Variants in ACVR1 observed in about 807,000 individuals in gnomAD.
ACVR1 encodes the protein activin receptor type-1.
ACVR1 carries 38 observed loss-of-function variants against 57.1 expected under a neutral mutation model. That is an observed-to-expected ratio of 0.67 (90% CI 0.51 to 0.87). The LOEUF is 0.87. ACVR1 is among the 40% of genes least tolerant of loss of function. The pLI is 0.00. For missense variants in ACVR1, 463 were observed against 638.2 expected, an observed-to-expected ratio of 0.73 and a Z score of 2.96; for synonymous variants, 212 against 228.1, an observed-to-expected ratio of 0.93 and a Z score of 0.63.
chr2:157,810,392 G>C (rs1341881570), intron 2 of ACVR1, among the ~76,000 whole-genome samples: 1 of 152,214 alleles, frequency 6.6e-6, no homozygotes, highest in Non-Finnish European at 1.5e-5. Flanking sequence ...CCTGTATCCA[G>C]TGTGCCAGGC....
At chr2:157,869,488 T>G (rs1426591102) in intron 1 of ACVR1, among the ~76,000 whole-genome samples, 1 of 152,200 alleles carries the variant, frequency 6.6e-6, no homozygotes, top group Non-Finnish European at 1.5e-5. Context: ...ACTAGAATTT[T>G]TAAAATAAAA....
chr2:157,873,298 G>A (rs896756754), intron 1 of ACVR1, among the ~76,000 whole-genome samples: 3 of 152,112 alleles, frequency 2.0e-5, no homozygotes, highest in African/African-American at 7.2e-5. Flanking sequence ...CTTATTGTAG[G>A]ACGGTAAAAT....
intron 2 of ACVR1, among the ~76,000 whole-genome samples, chr2:157,807,974 T>C (rs1687621228): frequency 6.6e-6 from 1 of 151,632 alleles, no homozygotes; most frequent in African/African-American, 2.4e-5. Flanking sequence ...ACTGGAGCAC[T>C]TTTCTGTGGT....
chr2:157,819,224 C>G (rs1028187585), intron 1 of ACVR1, among the ~76,000 whole-genome samples: 2 of 151,984 alleles, frequency 1.3e-5, no homozygotes, highest in African/African-American at 4.8e-5. Flanking sequence ...AAATTTTGAC[C>G]CTGCATGTAC....
chr2:157,790,090 C>A (rs1293570990), intron 3 of ACVR1: 1 of 152,228 alleles, frequency 6.6e-6, no homozygotes, highest in Admixed American at 6.5e-5. Context: ...CCAAAGTTCC[C>A]AAGATCTTCC....
chr2:157,767,189 G>A (rs1030901986), intron 7 of ACVR1, among the ~76,000 whole-genome samples: 7 of 151,970 alleles, frequency 4.6e-5, no homozygotes, highest in Admixed American at 1.3e-4. Context: ...CCACCATCAC[G>A]CCGGGCTAAT....
chr2:157,795,055 C>T (rs890067545), intron 3 of ACVR1, among the ~76,000 whole-genome samples: 4 of 151,794 alleles, frequency 2.6e-5, no homozygotes, highest in Non-Finnish European at 4.4e-5. Context: ...CTCTATGACT[C>T]TCTTATTTAT....
At chr2:157,828,726 A>G (rs915285811) in intron 1 of ACVR1, among the ~76,000 whole-genome samples, 3 of 152,140 alleles carry the variant, frequency 2.0e-5, no homozygotes, top group African/African-American at 7.2e-5. Context: ...TTAATTTAGC[A>G]GTTTCATTCT....
chr2:157,769,242 C>T (rs906096391), intron 7 of ACVR1, among the ~76,000 whole-genome samples: 1 of 152,076 alleles, frequency 6.6e-6, no homozygotes, highest in Non-Finnish European at 1.5e-5. Flanking sequence ...TCCTGGGAGC[C>T]CCAAACCAGG....
intron 5 of ACVR1, among the ~76,000 whole-genome samples, chr2:157,777,242 G>C (rs1225397465): frequency 6.6e-6 from 1 of 152,150 alleles, no homozygotes; most frequent in Non-Finnish European, 1.5e-5. Flanking sequence ...ATATGCAAAA[G>C]AATAATTTTT....
intron 4 of ACVR1, 32 bp from the exon 5 acceptor site, chr2:157,778,374 G>C: frequency 6.4e-7 from 1 of 1,560,456 alleles, no homozygotes; most frequent in Non-Finnish European, 8.8e-7. Flanking sequence ...GGAATTAGTT[G>C]TAAGGATCAC....
chr2:157,765,864 C>T, intron 8 of ACVR1, 57 bp downstream of exon 8: 2 of 1,579,248 alleles, frequency 1.3e-6, no homozygotes, highest in Non-Finnish European at 1.7e-6. Context: ...TGCAACTCAC[C>T]TAACCATTGA....
chr2:157,853,840 G>A (rs1490143663), intron 1 of ACVR1, among the ~76,000 whole-genome samples: 1 of 152,148 alleles, frequency 6.6e-6, no homozygotes, highest in African/African-American at 2.4e-5. Flanking sequence ...TTACAATGAA[G>A]TTTCCCTATG....
chr2:157,827,194 A>T (rs72999468), intron 1 of ACVR1, among the ~76,000 whole-genome samples: 112 of 152,276 alleles, frequency 7.4e-4, no homozygotes, highest in Middle Eastern at 3.4e-3. Context: ...TGATTGAACA[A>T]GAATAAACTG....
intron 1 of ACVR1, among the ~76,000 whole-genome samples, chr2:157,864,389 A>T (rs760682356): frequency 4.6e-5 from 7 of 151,666 alleles, no homozygotes; most frequent in Non-Finnish European, 5.9e-5. Context: ...TTTTAAAAAA[A>T]TTTTTGTAGA....
At chr2:157,867,613 G>A (rs1689982922) in intron 1 of ACVR1, among the ~76,000 whole-genome samples, 1 of 152,122 alleles carries the variant, frequency 6.6e-6, no homozygotes, top group African/African-American at 2.4e-5. Flanking sequence ...AGTGTTGCAG[G>A]AGCAGCTGGA....
chr2:157,792,455 A>T (rs1686952778), intron 3 of ACVR1, among the ~76,000 whole-genome samples: 2 of 152,168 alleles, frequency 1.3e-5, no homozygotes, highest in Admixed American at 1.3e-4. Context: ...AAGAGAAAGG[A>T]TGGTCAGGCT....
chr2:157,770,138 A>G (rs1256185581), intron 7 of ACVR1, among the ~76,000 whole-genome samples: 2 of 152,254 alleles, frequency 1.3e-5, no homozygotes, highest in African/African-American at 4.8e-5. Flanking sequence ...AGGAATAAGA[A>G]TTAGCACTAG....
intron 9 of ACVR1, among the ~76,000 whole-genome samples, chr2:157,750,732 C>T (rs1362509453): frequency 6.6e-6 from 1 of 151,902 alleles, no homozygotes; most frequent in Non-Finnish European, 1.5e-5. Context: ...AATAAGTCTC[C>T]AGCAACAGAT....
Sources: gnomAD v4.1 joint callset for allele counts (sites outside exome capture counted in the v4.1 genomes callset) on GRCh38, gnomAD v4.1.1 for gene constraint, MANE v1.5 for transcripts, NCBI Gene and HGNC (gene_info 2026-07-23, HGNC 2026-07-21) for gene names.